SPAG17: variants seen among roughly 807,000 people sequenced by gnomAD.
SPAG17 encodes the protein sperm associated antigen 17, also known as sperm-associated antigen 17.
Under a neutral mutation model 273.6 loss-of-function variants are expected in SPAG17, and 169 were observed. The observed-to-expected ratio is 0.62, with a 90% confidence interval of 0.55 to 0.70. The LOEUF (loss-of-function observed/expected upper bound fraction) is 0.70, where lower values mean the gene tolerates loss of function less well. Ranked by LOEUF, SPAG17 falls within the 30% of genes least tolerant of loss-of-function variation. The pLI, the probability that SPAG17 is intolerant of heterozygous loss-of-function variation, is 0.00. For synonymous variants in SPAG17, 825 were observed against 873.2 expected, an observed-to-expected ratio of 0.94 and a Z score of 0.97; for missense variants, 2,557 against 2,627.8, an observed-to-expected ratio of 0.97 and a Z score of 0.59.
At chr1:118,068,837 C>G (rs1653264919) in intron 17 of SPAG17, among the ~76,000 whole-genome samples, 1 of 152,022 alleles carries the variant, frequency 6.6e-6, no homozygotes, top group African/African-American at 2.4e-5. Context: ...CAGGCTGGCC[C>G]CTAAAGCTTA....
rs546552417 is a variant in SPAG17 at position 117,974,266 on chromosome 1, C to G, written c.6005-705G>C. 4.6e-5 allele frequency among the ~76,000 whole-genome samples: 7 copies of G among 152,210 alleles called. 1 individual carries two copies. The South Asian group carries it at 6.2e-4, about 14-fold the overall frequency. ...AAAGGAGAAAAGTCTTCTGTTAATT[C>G]TCATTTTATGCCTTTTCATTTTAGA... On this transcript the variant is annotated intron_variant, in intron 43 of 48. Coordinates refer to ENST00000336338, the MANE Select transcript of SPAG17 (RefSeq NM_206996.4).
chr1:118,034,797 C>T (rs1648886580), intron 24 of SPAG17, among the ~76,000 whole-genome samples: 2 of 152,074 alleles, frequency 1.3e-5, no homozygotes, highest in South Asian at 4.1e-4. Context: ...GAATGTAAAA[C>T]ATAAGTTGGG....
At chr1:117,967,441 A>G (rs1654005450) in intron 46 of SPAG17, among the ~76,000 whole-genome samples, 2 of 152,168 alleles carry the variant, frequency 1.3e-5, no homozygotes, top group Admixed American at 6.6e-5. Context: ...CCACACACAA[A>G]ATATACTAAC....
intron 1 of SPAG17, among the ~76,000 whole-genome samples, chr1:118,175,647 A>G (rs1660662447): frequency 6.6e-6 from 1 of 152,132 alleles, no homozygotes; most frequent in Admixed American, 6.5e-5. Context: ...ACAAAGGAGA[A>G]ATAAAGTCTT....
intron 19 of SPAG17, 105 bp downstream of exon 19, chr1:118,055,628 G>A: frequency 1.0e-6 from 1 of 979,676 alleles, no homozygotes; most frequent in African/African-American, 1.7e-5. Context: ...AACTTTTTTG[G>A]GTAATTCTTT....
intron 32 of SPAG17, among the ~76,000 whole-genome samples, chr1:118,001,897 T>A (rs1658327253): frequency 6.6e-6 from 1 of 152,200 alleles, no homozygotes; most frequent in African/African-American, 2.4e-5. Context: ...TTTTTCTAGT[T>A]CTTTTAATTG....
At chr1:118,107,453 G>A (rs185092621) in intron 4 of SPAG17, among the ~76,000 whole-genome samples, 34 of 152,222 alleles carry the variant, frequency 2.2e-4, no homozygotes, top group African/African-American at 8.2e-4. Context: ...CTGGAGAACA[G>A]TATATTTTAA....
intron 22 of SPAG17, 78 bp from the exon 23 acceptor site, chr1:118,039,522 G>C (rs1472013362): frequency 6.3e-6 from 9 of 1,431,906 alleles, no homozygotes; most frequent in Non-Finnish European, 8.7e-6. Flanking sequence ...GTTACACAAT[G>C]CTGCACAGAA....
chr1:118,025,718 C>T (rs184391584), intron 26 of SPAG17, among the ~76,000 whole-genome samples: 2 of 152,184 alleles, frequency 1.3e-5, no homozygotes, highest in Non-Finnish European at 2.9e-5. Context: ...TCTCAAACTC[C>T]TGGCCTCAAG....
chr1:118,009,409 G>A (rs965043976), intron 30 of SPAG17, among the ~76,000 whole-genome samples: 3 of 152,026 alleles, frequency 2.0e-5, no homozygotes, highest in Non-Finnish European at 4.4e-5. Context: ...ATTAAGGAAA[G>A]GGAACTCACG....
chr1:118,028,168 A>T (rs1647978730), intron 26 of SPAG17, 106 bp downstream of exon 26: 2 of 1,321,242 alleles, frequency 1.5e-6, no homozygotes, highest in Non-Finnish European at 2.1e-6. Flanking sequence ...TCTATTGTTC[A>T]TTATCAACAA....
In SPAG17 at chr1:118,117,356, G is replaced by C. The variant is rs910946074; in HGVS notation, c.316-1915C>G. ...TGCCTGGTGTCATGGCAATGGATGG[G>C]ATGTCTCTGGAGGTGATTTCTCTAG... On this transcript the variant is annotated intron_variant, in intron 3 of 48. Transcript: ENST00000336338. Among the ~76,000 whole-genome samples, 7 of 152,188 alleles carry C rather than the reference G, an allele frequency of 4.6e-5. No homozygotes were observed. The East Asian group carries it at 1.3e-3, about 29-fold the overall frequency.
At chr1:118,006,840 C>T (rs1010879372) in intron 31 of SPAG17, among the ~76,000 whole-genome samples, 3 of 152,296 alleles carry the variant, frequency 2.0e-5, no homozygotes, top group East Asian at 1.9e-4. Context: ...TTGCAGTTTG[C>T]GCTGCAGCTC....
At chr1:118,109,556 A>AAATAAT (rs10589035) in intron 4 of SPAG17, among the ~76,000 whole-genome samples, 1,510 of 141,254 alleles carry the variant, frequency 0.011, 11 homozygotes, top group African/African-American at 0.019. Flanking sequence ...CTCTGTCTCA[A>AAATAAT]AATAATAATA....
intron 40 of SPAG17, among the ~76,000 whole-genome samples, 183 bp from the exon 41 acceptor site, chr1:117,984,965 C>CA (rs1656248235): frequency 6.6e-6 from 1 of 152,170 alleles, no homozygotes; most frequent in South Asian, 2.1e-4. Context: ...CTTTTAGAAT[C>CA]ACTCACATTT....
chr1:118,155,940 G>A (rs1434737522), intron 1 of SPAG17, among the ~76,000 whole-genome samples: 4 of 152,156 alleles, frequency 2.6e-5, no homozygotes, highest in Non-Finnish European at 5.9e-5. Flanking sequence ...ACATAGAACT[G>A]GCTGCTACAA....
intron 6 of SPAG17, 37 bp from the exon 7 acceptor site, chr1:118,097,888 G>A (rs1390424741): frequency 7.0e-7 from 1 of 1,432,220 alleles, no homozygotes. Flanking sequence ...CCAAATGAGA[G>A]TGTTAAATGT....
At chr1:118,003,580 T>C (rs1454251281) in intron 32 of SPAG17, among the ~76,000 whole-genome samples, 1 of 152,222 alleles carries the variant, frequency 6.6e-6, no homozygotes, top group East Asian at 1.9e-4. Context: ...CAGTCACTTA[T>C]ACCCTTTCTT....
chr1:118,061,541 T>C (rs945669061), intron 18 of SPAG17, among the ~76,000 whole-genome samples: 1 of 151,906 alleles, frequency 6.6e-6, no homozygotes, highest in Non-Finnish European at 1.5e-5. Flanking sequence ...CTGGTATGGG[T>C]GTATGGAATT....
Sources: gnomAD v4.1 joint callset for allele counts (sites outside exome capture counted in the v4.1 genomes callset) on GRCh38, gnomAD v4.1.1 for gene constraint, MANE v1.5 for transcripts, NCBI Gene and HGNC (gene_info 2026-07-23, HGNC 2026-07-21) for gene names.